Variants in CCDC69 observed in about 807,000 individuals in gnomAD.
The protein encoded by CCDC69 is coiled-coil domain-containing protein 69.
A neutral mutation model predicts 40.3 loss-of-function variants in CCDC69; 38 were observed. That is an observed-to-expected ratio of 0.94 (90% CI 0.73 to 1.24). CCDC69 has a LOEUF of 1.24. CCDC69 is among the 50% of genes most tolerant of loss of function. CCDC69 has a pLI of 0.00. For synonymous variants in CCDC69, 141 were observed against 138.9 expected, an observed-to-expected ratio of 1.02 and a Z score of -0.11; for missense variants, 389 against 357.9, an observed-to-expected ratio of 1.09 and a Z score of -0.70.
chr5:151,218,958 T>C (rs946145910), intron 1 of CCDC69, among the ~76,000 whole-genome samples: 1 of 152,230 alleles, frequency 6.6e-6, no homozygotes, highest in Admixed American at 6.5e-5. Context: ...TATTCTAGTG[T>C]GTTTTAGGTT....
chr5:151,192,585 G>A lies in CCDC69; in HGVS notation c.320-5126C>T, dbSNP rs248439. Among the ~76,000 whole-genome samples the A allele has an allele frequency of 3.4e-3, 510 of 152,028 alleles. 2 individuals carry two copies. The highest frequency in any genetic ancestry group is 0.011 in the African/African-American group (439 of 41,442). ...CACAGATTATTTCATTGAAAAATTC[G>A]ATTAAACATTTAAAAACGATATAAC... On this transcript the variant is annotated intron_variant, in intron 4 of 8. Transcript: ENST00000355417.
intron 7 of CCDC69, chr5:151,184,991 T>C (rs1009391201): frequency 1.3e-5 from 2 of 155,288 alleles, no homozygotes; most frequent in African/African-American, 4.8e-5. Context: ...TTTTTAAACA[T>C]TCTCATGTGG....
intron 5 of CCDC69, among the ~76,000 whole-genome samples, chr5:151,186,944 T>C (rs112914309): frequency 0.053 from 8,007 of 152,218 alleles, 256 homozygotes; most frequent in African/African-American, 0.085. Flanking sequence ...AACACATTGC[T>C]TTTTTTCTGC....
chr5:151,187,442 C>T lies in CCDC69; in HGVS notation c.337G>A (p.Glu113Lys), dbSNP rs755637802. 6.2e-7 allele frequency: 1 copy of T among 1,614,022 alleles called. No individual in the cohort carries two copies. Among genetic ancestry groups the T allele is most frequent in the Non-Finnish European group, 8.5e-7 (1 of 1,179,968 alleles). Residue 113 changes from glutamate (E) to lysine (K), a missense_variant, in exon 5 of 9, where the codon GAA becomes AAA. By Grantham distance (56) the Glu-to-Lys change is moderately conservative (BLOSUM62 1). Coordinates refer to ENST00000355417, the MANE Select transcript of CCDC69 (RefSeq NM_015621.3). ...TGGGTAAGCGCTTCTTTCTCCTGTT[C>T]ATATGAGGCCCGGAGGACTGTAGGG... ...EALQVLRASY[E>K]QEKEALTHSF...
Position 151,206,905 on chromosome 5 carries a change from C to T in CCDC69, c.49-1430G>A, listed in dbSNP as rs552364183. On this transcript the variant is annotated intron_variant, in intron 1 of 8. Transcript: ENST00000355417. ...TCAGCCTCCCAAAGTGCTGGGATTACAGGTGTGAGCCACCGCACTCGACCT... is the reference window on the plus strand; with the variant it reads ...TCAGCCTCCCAAAGTGCTGGGATTATAGGTGTGAGCCACCGCACTCGACCT... Among the ~76,000 whole-genome samples, 3 of 149,902 alleles carry T rather than the reference C, an allele frequency of 2.0e-5. No homozygotes were observed. The South Asian group carries it at 6.3e-4, about 32-fold the overall frequency.
chr5:151,218,167 G>A (rs1753076750), intron 1 of CCDC69, among the ~76,000 whole-genome samples: 1 of 152,204 alleles, frequency 6.6e-6, no homozygotes, highest in African/African-American at 2.4e-5. Flanking sequence ...TATTTTTAGG[G>A]ATTAAGATTC....
At position 151,186,090 on chromosome 5, in the gene CCDC69, G is replaced by GC; in HGVS notation, c.427dup (p.Ala143GlyfsTer19). The GC allele has an allele frequency of 6.2e-7, 1 of 1,613,974 alleles. No individual in the cohort carries two copies. The highest frequency in any genetic ancestry group is 8.5e-7 in the Non-Finnish European group (1 of 1,179,914). On this transcript the variant is annotated frameshift_variant, in exon 6 of 9. Coordinates refer to ENST00000355417, the MANE Select transcript of CCDC69 (RefSeq NM_015621.3). LOFTEE classifies it high-confidence loss of function. Reference sequence around the variant, plus strand: ...CACCCTCTTCATTTTGGCCTGGAAAGCCTCCAGCTGTGAGGTCAGTCTGTC... The same window carrying GC: ...CACCCTCTTCATTTTGGCCTGGAAAGCCCTCCAGCTGTGAGGTCAGTCTGTC...
intron 4 of CCDC69, among the ~76,000 whole-genome samples, chr5:151,192,594 T>C (rs1752629503): frequency 6.6e-6 from 1 of 152,172 alleles, no homozygotes; most frequent in Admixed American, 6.5e-5. Flanking sequence ...CGATTAAACA[T>C]TTAAAAACGA....
intron 4 of CCDC69, among the ~76,000 whole-genome samples, chr5:151,198,667 G>C (rs765910647): frequency 6.6e-6 from 1 of 152,158 alleles, no homozygotes; most frequent in East Asian, 1.9e-4. Context: ...TACCATCATC[G>C]TGGGGATGGA....
intron 1 of CCDC69, among the ~76,000 whole-genome samples, chr5:151,207,177 C>G (rs982343677): frequency 5.3e-5 from 8 of 152,158 alleles, no homozygotes; most frequent in African/African-American, 1.9e-4. Flanking sequence ...CTTGGCATCC[C>G]AAAGTGCTGG....
At position 151,183,209 on chromosome 5, in the gene CCDC69, C is replaced by A; in HGVS notation, c.*228G>T. On this transcript the variant is annotated 3_prime_UTR_variant, in exon 9 of 9. Coordinates refer to ENST00000355417, the MANE Select transcript of CCDC69 (RefSeq NM_015621.3). The stretch of plus-strand genomic sequence containing the variant: ...GAGGAAATGTCTCCTCTTGCTTATT[C>A]CCTTGGCCAACTCAAGGGAAGACGC... The A allele has an allele frequency of 1.5e-6, 1 of 681,690 alleles. No individual in the cohort carries two copies. The highest frequency in any genetic ancestry group is 2.7e-6 in the Non-Finnish European group (1 of 371,654). The allele number at this position is 681,690 out of a possible 1,614,324, so 42.2% of individuals were successfully genotyped here.
intron 1 of CCDC69, among the ~76,000 whole-genome samples, chr5:151,208,342 C>A (rs1368940423): frequency 6.6e-6 from 1 of 152,212 alleles, no homozygotes; most frequent in Non-Finnish European, 1.5e-5. Flanking sequence ...AACTGAAGAA[C>A]CACTGAAATA....
At chr5:151,203,036 T>C (rs1010793616) in intron 2 of CCDC69, among the ~76,000 whole-genome samples, 1 of 152,078 alleles carries the variant, frequency 6.6e-6, no homozygotes, top group Non-Finnish European at 1.5e-5. Context: ...AGCTACCCTA[T>C]AGTCGTGAGT....
At chr5:151,217,954 C>A (rs776627161) in intron 1 of CCDC69, among the ~76,000 whole-genome samples, 2 of 151,592 alleles carry the variant, frequency 1.3e-5, no homozygotes, top group South Asian at 2.1e-4. Context: ...TAGAAAATGG[C>A]GAGGAAAGCC....
At chr5:151,220,255 G>A (rs546122498) in intron 1 of CCDC69, among the ~76,000 whole-genome samples, 1 of 152,142 alleles carries the variant, frequency 6.6e-6, no homozygotes, top group Non-Finnish European at 1.5e-5. Flanking sequence ...TGCTAGTCAG[G>A]GTATCAGAGA....
chr5:151,190,338 G>T (rs58983644), intron 4 of CCDC69, among the ~76,000 whole-genome samples: 1 of 152,078 alleles, frequency 6.6e-6, no homozygotes, highest in African/African-American at 2.4e-5. Context: ...CCTACATGAC[G>T]GTAAGCTTTT....
intron 1 of CCDC69, among the ~76,000 whole-genome samples, chr5:151,209,541 TG>T (rs1167518452): frequency 6.6e-6 from 1 of 152,086 alleles, no homozygotes; most frequent in African/African-American, 2.4e-5. Flanking sequence ...TATCACCATC[TG>T]TCCCCAGTCT....
intron 1 of CCDC69, among the ~76,000 whole-genome samples, chr5:151,219,448 T>C (rs1422416691): frequency 6.6e-6 from 1 of 151,658 alleles, no homozygotes; most frequent in African/African-American, 2.4e-5. Context: ...ATTACCAGGG[T>C]AGGAGTGCAG....
At chr5:151,190,579 T>G (rs1287566734) in intron 4 of CCDC69, among the ~76,000 whole-genome samples, 4 of 146,314 alleles carry the variant, frequency 2.7e-5, no homozygotes, top group African/African-American at 1.0e-4. Flanking sequence ...GGTAGGAGAA[T>G]CGCTTGAACC....
Sources: allele counts gnomAD v4.1 joint callset (sites outside exome capture counted in the v4.1 genomes callset), GRCh38; gene constraint gnomAD v4.1.1; transcripts MANE v1.5; gene names NCBI Gene and HGNC (gene_info 2026-07-23, HGNC 2026-07-21).